Variants in CNTNAP2 observed in about 807,000 individuals in gnomAD.
CNTNAP2 encodes contactin associated protein 2, also known as contactin-associated protein-like 2.
Under a neutral mutation model 155.2 loss-of-function variants are expected in CNTNAP2, and 98 were observed. The ratio of observed to expected loss-of-function variants is 0.63; its 90% confidence interval spans 0.54 to 0.75. The LOEUF is 0.75. CNTNAP2 is among the 30% of genes least tolerant of loss of function. The probability of loss-of-function intolerance (pLI) is 0.00; values close to 1 mark genes in which losing one functional copy is unlikely to be tolerated. For synonymous variants in CNTNAP2, 651 were observed against 631.2 expected, an observed-to-expected ratio of 1.03 and a Z score of -0.47; for missense variants, 1,727 against 1,688.1, an observed-to-expected ratio of 1.02 and a Z score of -0.40.
At chr7:147,661,370 C>G (rs1795605627) in intron 13 of CNTNAP2, among the ~76,000 whole-genome samples, 1 of 152,072 alleles carries the variant, frequency 6.6e-6, no homozygotes. Flanking sequence ...TCCAGTGAAG[C>G]TCAGCTCCCT....
At chr7:146,823,384 C>T (rs1803332785) in intron 2 of CNTNAP2, among the ~76,000 whole-genome samples, 1 of 134,932 alleles carries the variant, frequency 7.4e-6, no homozygotes, top group Admixed American at 7.3e-5. Context: ...TGTAAATATA[C>T]TCATTCTTCA....
intron 9 of CNTNAP2, among the ~76,000 whole-genome samples, chr7:147,338,139 G>A (rs1795695821): frequency 1.3e-5 from 2 of 152,122 alleles, no homozygotes; most frequent in Non-Finnish European, 2.9e-5. Flanking sequence ...GAGGCCTCAG[G>A]AAACTTACAA....
At chr7:147,684,937 A>C (rs113331968) in intron 13 of CNTNAP2, among the ~76,000 whole-genome samples, 19 of 151,912 alleles carry the variant, frequency 1.3e-4, no homozygotes, top group African/African-American at 3.9e-4. Context: ...CTTGGCTGTG[A>C]CTCACTGAGA....
At chr7:148,061,169 A>T (rs950000738) in intron 15 of CNTNAP2, among the ~76,000 whole-genome samples, 14 of 152,268 alleles carry the variant, frequency 9.2e-5, no homozygotes, top group African/African-American at 3.4e-4. Context: ...AAATATTAAC[A>T]TCAAAATTAA....
At chr7:147,071,479 C>G (rs193140052) in intron 4 of CNTNAP2, among the ~76,000 whole-genome samples, 1 of 152,172 alleles carries the variant, frequency 6.6e-6, no homozygotes, top group East Asian at 1.9e-4. Context: ...ACTGCAGTCC[C>G]CAAATATGAA....
intron 9 of CNTNAP2, among the ~76,000 whole-genome samples, chr7:147,319,599 A>C (rs1440817763): frequency 1.3e-5 from 2 of 152,120 alleles, no homozygotes; most frequent in South Asian, 2.1e-4. Context: ...GCTTGTTTAG[A>C]ACTCCTGAGC....
chr7:147,852,508 C>T (rs920154040), intron 13 of CNTNAP2, among the ~76,000 whole-genome samples: 9 of 152,116 alleles, frequency 5.9e-5, no homozygotes, highest in African/African-American at 2.2e-4. Flanking sequence ...TTCAAAATTT[C>T]AAATACGTTA....
At chr7:147,133,792 G>T (rs1584746956) in intron 8 of CNTNAP2, among the ~76,000 whole-genome samples, 3 of 152,060 alleles carry the variant, frequency 2.0e-5, no homozygotes. Context: ...TTATGTCAGA[G>T]ATGTGCCTAA....
intron 22 of CNTNAP2, among the ~76,000 whole-genome samples, chr7:148,386,487 C>T (rs888944277): frequency 2.6e-5 from 4 of 152,078 alleles, no homozygotes; most frequent in Non-Finnish European, 5.9e-5. Flanking sequence ...GAGATGGTGC[C>T]ACTGCAAGAC....
chr7:146,206,157 G>C (rs73739542), intron 1 of CNTNAP2, among the ~76,000 whole-genome samples: 5,049 of 152,012 alleles, frequency 0.033, 281 homozygotes, highest in African/African-American at 0.12. Context: ...GTCAATCATA[G>C]CTGTTAAAAC....
intron 18 of CNTNAP2, among the ~76,000 whole-genome samples, chr7:148,205,763 T>TA (rs983906255): frequency 6.6e-6 from 1 of 152,142 alleles, no homozygotes; most frequent in Non-Finnish European, 1.5e-5. Flanking sequence ...CTATTGCAAT[T>TA]AAAAAATCAT....
At chr7:146,906,473 T>A (rs1423492921) in intron 3 of CNTNAP2, among the ~76,000 whole-genome samples, 1 of 151,900 alleles carries the variant, frequency 6.6e-6, no homozygotes, top group Non-Finnish European at 1.5e-5. Flanking sequence ...GCAGACTGCC[T>A]CCTCAAGTGG....
chr7:147,775,705 C>T (rs954209088), intron 13 of CNTNAP2, among the ~76,000 whole-genome samples: 13 of 151,838 alleles, frequency 8.6e-5, no homozygotes, highest in Admixed American at 3.9e-4. Context: ...TAGGCTGAAT[C>T]AATAGAAGAT....
intron 20 of CNTNAP2, among the ~76,000 whole-genome samples, chr7:148,262,661 G>A (rs1796585053): frequency 6.6e-6 from 1 of 152,050 alleles, no homozygotes; most frequent in South Asian, 2.1e-4. Flanking sequence ...GGGGACCTGA[G>A]ACCCACCCAG....
chr7:146,299,219 C>T (rs1043447379), intron 1 of CNTNAP2, among the ~76,000 whole-genome samples: 2 of 151,824 alleles, frequency 1.3e-5, no homozygotes, highest in African/African-American at 4.8e-5. Context: ...TGCAGTGAGC[C>T]GAGATCATGC....
At chr7:147,466,130 C>T (rs181495473) in intron 10 of CNTNAP2, among the ~76,000 whole-genome samples, 1 of 152,246 alleles carries the variant, frequency 6.6e-6, no homozygotes. Flanking sequence ...TTTTTAATGT[C>T]TACGTTCAAC....
chr7:147,494,468 CAAA>C (rs10562874), intron 11 of CNTNAP2, among the ~76,000 whole-genome samples: 72 of 116,384 alleles, frequency 6.2e-4, no homozygotes, highest in Middle Eastern at 0.011. Flanking sequence ...TGAGTCTTGG[CAAA>C]AAAAAAAAAA....
rs143948547 is a variant in CNTNAP2, at chr7:146,856,942, C to T, written c.402+17038C>T. 1.2e-4 allele frequency among the ~76,000 whole-genome samples: 19 copies of T among 152,152 alleles called. No homozygotes were observed. In the East Asian group the frequency reaches 2.1e-3, roughly 17 times the overall value. Reference sequence around the variant, plus strand: ...AGGGACATGATACCTACCTGTAATACGTGATCCTAGCCTGGATCCTGTCTT... The same window carrying T: ...AGGGACATGATACCTACCTGTAATATGTGATCCTAGCCTGGATCCTGTCTT... On this transcript the variant is annotated intron_variant, in intron 3 of 23. Transcript: ENST00000361727.
intron 8 of CNTNAP2, among the ~76,000 whole-genome samples, chr7:147,224,769 C>A (rs1803482859): frequency 6.6e-6 from 1 of 151,926 alleles, no homozygotes; most frequent in Non-Finnish European, 1.5e-5. Context: ...CCATGTTTCC[C>A]CCCTCTCTAT....
Sources: gnomAD v4.1 joint callset for allele counts (sites outside exome capture counted in the v4.1 genomes callset) on GRCh38, gnomAD v4.1.1 for gene constraint, MANE v1.5 for transcripts, NCBI Gene and HGNC (gene_info 2026-07-23, HGNC 2026-07-21) for gene names.